Variants in UNC13C observed in about 807,000 individuals in gnomAD.
UNC13C encodes protein unc-13 homolog C.
In UNC13C, 174 loss-of-function variants were observed where a neutral mutation model predicts 245.4. That is an observed-to-expected ratio of 0.71 (90% confidence interval 0.63 to 0.80). UNC13C has a LOEUF of 0.80. Ranked by LOEUF, UNC13C falls within the 30% of genes least tolerant of loss-of-function variation. The pLI is 0.00. For missense variants in UNC13C, 2,829 were observed against 2,602.9 expected, an observed-to-expected ratio of 1.09 and a Z score of -1.89; for synonymous variants, 992 against 895.1, an observed-to-expected ratio of 1.11 and a Z score of -1.93.
In UNC13C at chr15:54,172,739, T is replaced by G. The variant is rs1007316112; in HGVS notation, c.3071+29055T>G. On this transcript the variant is annotated intron_variant, in intron 4 of 32. Coordinates refer to ENST00000260323, the MANE Select transcript of UNC13C (RefSeq NM_001080534.3). ...ATATATATATATATATATATATATA[T>G]ATATATATATATATATATATATCTT... Among the ~76,000 whole-genome samples, 436 of 94,824 alleles carry G rather than the reference T, an allele frequency of 4.6e-3. 17 individuals are homozygous for G. Among genetic ancestry groups the G allele is most frequent in the African/African-American group, 0.021 (420 of 20,308 alleles). 62.2% of individuals were successfully genotyped at this position (94,824 alleles called of 152,430 possible). A position where few individuals can be genotyped will look rare whatever the true frequency, so the allele number is the denominator to read the frequency against.
At chr15:54,623,596 G>T (rs1487507804) in intron 31 of UNC13C, among the ~76,000 whole-genome samples, 199 bp from the exon 32 acceptor site, 1 of 152,126 alleles carries the variant, frequency 6.6e-6, no homozygotes, top group Non-Finnish European at 1.5e-5. Flanking sequence ...TTTCACCAAA[G>T]CTACACAGCT....
In UNC13C at chr15:54,536,729, C is replaced by A. The variant is rs140892664; in HGVS notation, c.5696+3663C>A. Among the ~76,000 whole-genome samples, 508 of 151,988 alleles carry A rather than the reference C, an allele frequency of 3.3e-3. 4 individuals carry two copies. The highest frequency in any genetic ancestry group is 5.3e-3 in the Non-Finnish European group (363 of 67,926). ...ATATAAACAGAACTAAATACAAAAC[C>A]CACATGATCATCTCAATAGATGCAG... On this transcript the variant is annotated intron_variant, in intron 26 of 32. Coordinates refer to ENST00000260323, the MANE Select transcript of UNC13C (RefSeq NM_001080534.3).
At chr15:53,910,158 A>C in the UNC13C span, among the ~76,000 whole-genome samples, 1 of 145,284 alleles carries the variant, frequency 6.9e-6, no homozygotes, top group Non-Finnish European at 1.5e-5. Flanking sequence ...CTTATCTGGC[A>C]AGTGCAGGAC....
chr15:54,381,329 C>G (rs2039719412), intron 17 of UNC13C, among the ~76,000 whole-genome samples: 1 of 152,110 alleles, frequency 6.6e-6, no homozygotes, highest in Non-Finnish European at 1.5e-5. Flanking sequence ...TATATTAGCA[C>G]CATACTGTTT....
intron 30 of UNC13C, among the ~76,000 whole-genome samples, chr15:54,591,915 T>G (rs1898812772): frequency 6.6e-6 from 1 of 152,146 alleles, no homozygotes; most frequent in African/African-American, 2.4e-5. Context: ...TCAATGTTTT[T>G]GTTACAGGTG....
intron 17 of UNC13C, among the ~76,000 whole-genome samples, chr15:54,365,895 C>T (rs903965133): frequency 4.6e-5 from 7 of 152,082 alleles, no homozygotes; most frequent in East Asian, 3.9e-4. Context: ...GTAAAATCAT[C>T]GTGAGTTTTT....
At chr15:54,237,109 C>T (rs1338498936) in intron 6 of UNC13C, among the ~76,000 whole-genome samples, 1 of 151,796 alleles carries the variant, frequency 6.6e-6, no homozygotes, top group Non-Finnish European at 1.5e-5. Context: ...TAACAATTCT[C>T]GGTAAATTAA....
chr15:54,627,284 G>A lies in UNC13C; in HGVS notation c.*171G>A. 1 of 625,154 alleles carries A rather than the reference G, an allele frequency of 1.6e-6. No individual in the cohort carries two copies. The highest frequency in any genetic ancestry group is 2.5e-6 in the Non-Finnish European group (1 of 399,098). 38.7% of individuals were successfully genotyped at this position (625,154 alleles called of 1,614,324 possible). A position where few individuals can be genotyped will look rare whatever the true frequency, so the allele number is the denominator to read the frequency against. ...AACTTTTATACCAATTCTGGTCTTTGGGAAATCAGTGTTCCATGAAGTGCC... is the reference window on the plus strand; with the variant it reads ...AACTTTTATACCAATTCTGGTCTTTAGGAAATCAGTGTTCCATGAAGTGCC... On this transcript the variant is annotated 3_prime_UTR_variant, in exon 33 of 33. Transcript: ENST00000260323.
At chr15:54,602,950 G>A (rs1899525172) in intron 30 of UNC13C, among the ~76,000 whole-genome samples, 2 of 17,838 alleles carry the variant, frequency 1.1e-4, no homozygotes, top group South Asian at 1.7e-3. Flanking sequence ...ACTGGACTCA[G>A]GTTTCATCCT....
intron 17 of UNC13C, among the ~76,000 whole-genome samples, chr15:54,358,432 T>C (rs2039147913): frequency 6.6e-6 from 1 of 152,114 alleles, no homozygotes; most frequent in East Asian, 1.9e-4. Flanking sequence ...ATATTAATTC[T>C]TCCAATGAGT....
chr15:54,406,752 T>A (rs979429520), intron 18 of UNC13C, among the ~76,000 whole-genome samples: 1 of 152,178 alleles, frequency 6.6e-6, no homozygotes, highest in African/African-American at 2.4e-5. Flanking sequence ...CCATTTATAG[T>A]CACTATGCAC....
At chr15:54,574,161 T>C (rs1897866011) in intron 30 of UNC13C, among the ~76,000 whole-genome samples, 2 of 152,174 alleles carry the variant, frequency 1.3e-5, no homozygotes, top group Non-Finnish European at 2.9e-5. Flanking sequence ...TATCTTAAAT[T>C]TCCTTGCACC....
At chr15:54,523,246 T>C (rs1331130223) in intron 24 of UNC13C, among the ~76,000 whole-genome samples, 1 of 152,228 alleles carries the variant, frequency 6.6e-6, no homozygotes, top group Non-Finnish European at 1.5e-5. Flanking sequence ...ATGAGTATGA[T>C]AATTATGTCC....
intron 19 of UNC13C, among the ~76,000 whole-genome samples, chr15:54,442,700 A>C (rs572742159): frequency 3.9e-5 from 6 of 151,950 alleles, no homozygotes; most frequent in Non-Finnish European, 8.8e-5. Context: ...TTTGTCTTTC[A>C]TTCTTTGATG....
At chr15:54,104,131 C>T (rs1900313561) in intron 2 of UNC13C, among the ~76,000 whole-genome samples, 1 of 152,214 alleles carries the variant, frequency 6.6e-6, no homozygotes, top group Non-Finnish European at 1.5e-5. Flanking sequence ...CATGTTTGGA[C>T]CCATTGCTCT....
rs189851917 is a variant in UNC13C at position 54,420,400 on chromosome 15, G to T, written c.4933+5333G>T. ...TTTTCCCAAAGTGGGCAATGCAAGA[G>T]AAAAGGCAGAAGCTGCCATCTTTAT... On this transcript the variant is annotated intron_variant, in intron 19 of 32. Transcript: ENST00000260323. 5.3e-5 allele frequency among the ~76,000 whole-genome samples: 8 copies of T among 151,754 alleles called. No individual in the cohort carries two copies. The East Asian group carries it at 1.6e-3, about 30-fold the overall frequency.
At chr15:54,007,116 A>C (rs1466305995) in intron 1 of UNC13C, among the ~76,000 whole-genome samples, 1 of 152,208 alleles carries the variant, frequency 6.6e-6, no homozygotes, top group East Asian at 1.9e-4. Context: ...ATTTCTTTTA[A>C]ATCAGCAATT....
intron 19 of UNC13C, among the ~76,000 whole-genome samples, chr15:54,423,079 T>C (rs2040685390): frequency 1.3e-5 from 2 of 151,770 alleles, no homozygotes; most frequent in Non-Finnish European, 2.9e-5. Context: ...ATTATATATA[T>C]CTGTATATAC....
At chr15:54,244,786 G>T (rs567601223) in intron 7 of UNC13C, among the ~76,000 whole-genome samples, 1 of 152,022 alleles carries the variant, frequency 6.6e-6, no homozygotes, top group African/African-American at 2.4e-5. Flanking sequence ...TGTTGTTTGC[G>T]TATAGAGATG....
Sources: gnomAD v4.1 joint callset for allele counts (sites outside exome capture counted in the v4.1 genomes callset) on GRCh38, gnomAD v4.1.1 for gene constraint, MANE v1.5 for transcripts, NCBI Gene and HGNC (gene_info 2026-07-23, HGNC 2026-07-21) for gene names.